The following PPM1H variants were observed in gnomAD, a reference collection of about 807,000 sequenced individuals.
PPM1H encodes protein phosphatase, Mg2+/Mn2+ dependent 1H.
In PPM1H, 27 loss-of-function variants were observed where a neutral mutation model predicts 54.9. The observed-to-expected ratio is 0.49, with a 90% CI of 0.36 to 0.68. The LOEUF (loss-of-function observed/expected upper bound fraction) is 0.68, where lower values mean the gene tolerates loss of function less well. PPM1H is among the 30% of genes least tolerant of loss of function. The pLI is 0.00. For synonymous variants in PPM1H, 305 were observed against 270.8 expected (o/e 1.13, Z -1.24); for missense variants, 596 against 667.8 (o/e 0.89, Z 1.19).
intron 5 of PPM1H, among the ~76,000 whole-genome samples, chr12:62,735,798 T>A (rs926353599): frequency 6.6e-6 from 1 of 152,104 alleles, no homozygotes; most frequent in Non-Finnish European, 1.5e-5. Flanking sequence ...TCTTAAAGAA[T>A]GAAGAGGAGT....
At chr12:62,755,715 C>T in intron 4 of PPM1H, 2 of 702,210 alleles carry the variant, frequency 2.8e-6, no homozygotes, top group South Asian at 3.3e-5. Flanking sequence ...CCAAGGTTAT[C>T]CATGACAACT....
intron 2 of PPM1H, among the ~76,000 whole-genome samples, chr12:62,827,383 T>C (rs1868302119): frequency 6.6e-6 from 1 of 152,168 alleles, no homozygotes; most frequent in South Asian, 2.1e-4. Flanking sequence ...CAGTGCCTTA[T>C]TTTAAGCCGT....
At chr12:62,825,870 C>A (rs547782169) in intron 2 of PPM1H, among the ~76,000 whole-genome samples, 4 of 147,824 alleles carry the variant, frequency 2.7e-5, no homozygotes, top group Non-Finnish European at 4.5e-5. Context: ...TACCCTAGAA[C>A]TTAAAGTATA....
chr12:62,708,865 A>ACCC (rs1481732921), intron 6 of PPM1H, among the ~76,000 whole-genome samples: 44 of 151,902 alleles, frequency 2.9e-4, no homozygotes, highest in Middle Eastern at 6.8e-3. Flanking sequence ...TTCAGCTCAC[A>ACCC]CCCCCTCCCT....
In PPM1H at chr12:62,838,495, C is replaced by T. The variant is rs184548571; in HGVS notation, c.246-6216G>A. Among the ~76,000 whole-genome samples, 6 of 152,290 alleles carry T rather than the reference C, an allele frequency of 3.9e-5. No homozygotes were observed. The East Asian group carries it at 1.2e-3, about 29-fold the overall frequency. On this transcript the variant is annotated intron_variant, in intron 1 of 9. Transcript: ENST00000228705. ...CTGGAAAAGAAGGACAACTTAATTC[C>T]TAGCTGCAGTAATAACCTCTTATTC...
chr12:62,785,319 G>A (rs763781585), intron 4 of PPM1H, among the ~76,000 whole-genome samples: 3 of 152,124 alleles, frequency 2.0e-5, no homozygotes, highest in Admixed American at 6.5e-5. Flanking sequence ...CGGGACTACC[G>A]GCGTGTGCCG....
At chr12:62,657,419 A>AAAC (rs1173367055) in intron 9 of PPM1H, among the ~76,000 whole-genome samples, 4 of 152,178 alleles carry the variant, frequency 2.6e-5, no homozygotes, top group Admixed American at 2.6e-4. Flanking sequence ...TAAACACCCT[A>AAAC]AACAGGATGG....
chr12:62,670,553 G>A (rs1051532751), intron 8 of PPM1H, among the ~76,000 whole-genome samples: 2 of 152,236 alleles, frequency 1.3e-5, no homozygotes. Context: ...AATGTGACAG[G>A]TTGTGTTATT....
chr12:62,657,199 G>A (rs1417179695), intron 9 of PPM1H, among the ~76,000 whole-genome samples: 6 of 152,192 alleles, frequency 3.9e-5, no homozygotes, highest in Non-Finnish European at 5.9e-5. Flanking sequence ...GAGAGAGGGT[G>A]AGACGCCCTG....
rs1441957998 is a variant in PPM1H at position 62,797,294 on chromosome 12, G to A, written c.756+4522C>T. 2.6e-5 allele frequency among the ~76,000 whole-genome samples: 4 copies of A among 152,266 alleles called. No individual in the cohort carries two copies. The South Asian group carries it at 6.2e-4, about 24-fold the overall frequency. ...ATGTCATCAGTGAGGCAAATTAGAGGCTTAGGTGCAAGGCTTGGGGAACTT... is the reference window on the plus strand; with the variant it reads ...ATGTCATCAGTGAGGCAAATTAGAGACTTAGGTGCAAGGCTTGGGGAACTT... On this transcript the variant is annotated intron_variant, in intron 3 of 9. Transcript: ENST00000228705.
chr12:62,815,187 C>CTTTT (rs10650338), intron 2 of PPM1H, among the ~76,000 whole-genome samples: 23,407 of 151,020 alleles, frequency 0.15, 2,550 homozygotes, highest in African/African-American at 0.32. Flanking sequence ...TACCATACCT[C>CTTTT]TTTTTTTTTG....
chr12:62,838,919 T>G (rs1868610151), intron 1 of PPM1H, among the ~76,000 whole-genome samples: 1 of 40,834 alleles, frequency 2.4e-5, no homozygotes, highest in Non-Finnish European at 4.4e-5. Flanking sequence ...AGACTCCGTC[T>G]CAAAAAAAAA....
chr12:62,729,006 C>A (rs550113978), intron 5 of PPM1H, among the ~76,000 whole-genome samples: 1 of 152,284 alleles, frequency 6.6e-6, no homozygotes, highest in African/African-American at 2.4e-5. Context: ...AAGAAGGAGA[C>A]TGTCCCAGGG....
At chr12:62,713,154 T>C (rs2076216655) in intron 6 of PPM1H, among the ~76,000 whole-genome samples, 1 of 152,150 alleles carries the variant, frequency 6.6e-6, no homozygotes, top group Non-Finnish European at 1.5e-5. Context: ...TTTGGATGGT[T>C]GGTGAGAAGC....
At chr12:62,843,243 G>A (rs1002603423) in intron 1 of PPM1H, among the ~76,000 whole-genome samples, 2 of 152,142 alleles carry the variant, frequency 1.3e-5, no homozygotes, top group Non-Finnish European at 2.9e-5. Context: ...TTGGAACCCC[G>A]GAGGTGGAGG....
intron 2 of PPM1H, among the ~76,000 whole-genome samples, chr12:62,819,130 CTTT>C (rs34661742): frequency 7.0e-5 from 8 of 113,822 alleles, no homozygotes; most frequent in Non-Finnish European, 7.2e-5. Flanking sequence ...CAAAACATTG[CTTT>C]TTTTTTTTTT....
At chr12:62,818,168 A>G (rs2076881892) in intron 2 of PPM1H, among the ~76,000 whole-genome samples, 1 of 152,220 alleles carries the variant, frequency 6.6e-6, no homozygotes, top group Non-Finnish European at 1.5e-5. Context: ...TTATGTAAGT[A>G]CACGCACTTC....
At chr12:62,786,535 A>T (rs1329897281) in intron 4 of PPM1H, among the ~76,000 whole-genome samples, 1 of 152,214 alleles carries the variant, frequency 6.6e-6, no homozygotes, top group Non-Finnish European at 1.5e-5. Context: ...ATCTTCTCCC[A>T]TTCCTTCTAA....
intron 1 of PPM1H, among the ~76,000 whole-genome samples, chr12:62,836,740 G>A (rs1748606029): frequency 6.6e-6 from 1 of 151,980 alleles, no homozygotes; most frequent in African/African-American, 2.4e-5. Flanking sequence ...TGAAAGTGAA[G>A]CACAGCTACT....
Sources: gnomAD v4.1 joint callset for allele counts (sites outside exome capture counted in the v4.1 genomes callset) on GRCh38, gnomAD v4.1.1 for gene constraint, MANE v1.5 for transcripts, NCBI Gene and HGNC (gene_info 2026-07-23, HGNC 2026-07-21) for gene names.